The following MSI2 variants were observed in gnomAD, a reference collection of about 807,000 sequenced individuals.
The protein encoded by MSI2 is musashi RNA binding protein 2, also known as RNA-binding protein Musashi homolog 2.
Under a neutral mutation model 45.6 loss-of-function variants are expected in MSI2, and 17 were observed. The observed-to-expected ratio is 0.37, with a 90% CI of 0.26 to 0.56. The LOEUF is 0.56. Ranked by LOEUF, MSI2 falls within the 20% of genes least tolerant of loss-of-function variation. The pLI is 0.77. For synonymous variants in MSI2, 156 were observed against 158.2 expected (o/e 0.99, Z 0.11); for missense variants, 293 against 444.2 (o/e 0.66, Z 3.06).
At chr17:57,672,024 C>T (rs902158989) in intron 11 of MSI2, among the ~76,000 whole-genome samples, 1 of 152,214 alleles carries the variant, frequency 6.6e-6, no homozygotes, top group Admixed American at 6.5e-5. Flanking sequence ...GCCCAGAAGC[C>T]TAGCTAGAGG....
intron 11 of MSI2, among the ~76,000 whole-genome samples, chr17:57,669,659 A>ACACAGCCTCTGCCCTCATAGATTAT (rs1467564596): frequency 6.6e-6 from 1 of 152,234 alleles, no homozygotes; most frequent in Non-Finnish European, 1.5e-5. Context: ...TGATGGATTA[A>ACACAGCCTCTGCCCTCATAGATTAT]CACAGCCTCT....
intron 5 of MSI2, among the ~76,000 whole-genome samples, chr17:57,342,190 A>G (rs1915225416): frequency 6.6e-6 from 1 of 152,202 alleles, no homozygotes; most frequent in South Asian, 2.1e-4. Flanking sequence ...TTTTGAGCTA[A>G]TTGGTTTGAA....
intron 7 of MSI2, among the ~76,000 whole-genome samples, chr17:57,580,526 G>C (rs1245856356): frequency 2.0e-5 from 3 of 152,208 alleles, no homozygotes; most frequent in Non-Finnish European, 4.4e-5. Context: ...TTCCAGTGCT[G>C]GTCTTGCTAG....
At chr17:57,326,700 T>C (rs1913824379) in intron 5 of MSI2, among the ~76,000 whole-genome samples, 1 of 152,242 alleles carries the variant, frequency 6.6e-6, no homozygotes, top group African/African-American at 2.4e-5. Context: ...CATTTGATCT[T>C]AACACTAGCC....
intron 5 of MSI2, among the ~76,000 whole-genome samples, chr17:57,282,213 C>T (rs1909480958): frequency 6.6e-6 from 1 of 152,078 alleles, no homozygotes; most frequent in Non-Finnish European, 1.5e-5. Flanking sequence ...GAGTGGGGAG[C>T]TCTTAGAAGC....
intron 5 of MSI2, among the ~76,000 whole-genome samples, chr17:57,296,612 CAAAT>C (rs750878002): frequency 6.6e-6 from 1 of 152,070 alleles, no homozygotes; most frequent in African/African-American, 2.4e-5. Flanking sequence ...TATTTAAAAA[CAAAT>C]AATATTAAAA....
chr17:57,600,671 T>C (rs1048225555), intron 8 of MSI2, among the ~76,000 whole-genome samples: 1 of 152,116 alleles, frequency 6.6e-6, no homozygotes, highest in Non-Finnish European at 1.5e-5. Flanking sequence ...CTTTGGGAAG[T>C]GGGGATCACA....
At chr17:57,650,798 G>T (rs1362406740) in intron 10 of MSI2, among the ~76,000 whole-genome samples, 1 of 152,138 alleles carries the variant, frequency 6.6e-6, no homozygotes, top group Non-Finnish European at 1.5e-5. Flanking sequence ...TTAGTGTTTA[G>T]TGGGCTTCTA....
chr17:57,297,406 TA>T (rs1002133305), intron 5 of MSI2, among the ~76,000 whole-genome samples: 16 of 152,080 alleles, frequency 1.1e-4, no homozygotes, highest in Admixed American at 4.6e-4. Context: ...ACATTATGCC[TA>T]AAAAACAATG....
chr17:57,273,211 C>G (rs1319769638), intron 5 of MSI2, among the ~76,000 whole-genome samples: 1 of 151,980 alleles, frequency 6.6e-6, no homozygotes, highest in South Asian at 2.1e-4. Flanking sequence ...ATTAGGGGGC[C>G]CTTAGGAAAT....
intron 6 of MSI2, among the ~76,000 whole-genome samples, chr17:57,517,908 G>A (rs960254490): frequency 1.3e-5 from 2 of 152,162 alleles, no homozygotes; most frequent in African/African-American, 4.8e-5. Flanking sequence ...CGTAGTACAG[G>A]GGTGTCAGAG....
intron 11 of MSI2, among the ~76,000 whole-genome samples, chr17:57,665,331 T>C (rs1479962142): frequency 1.3e-5 from 2 of 152,230 alleles, no homozygotes; most frequent in African/African-American, 4.8e-5. Context: ...CCTCCTTGAC[T>C]GACCAATGGG....
At chr17:57,607,955 C>T (rs1005239851) in intron 8 of MSI2, among the ~76,000 whole-genome samples, 24 of 152,296 alleles carry the variant, frequency 1.6e-4, no homozygotes, top group Middle Eastern at 3.4e-3. Context: ...GATCCACCCC[C>T]ATGAATCAGA....
chr17:57,399,233 AT>A (rs1224021445), intron 5 of MSI2, among the ~76,000 whole-genome samples: 1 of 152,250 alleles, frequency 6.6e-6, no homozygotes, highest in African/African-American at 2.4e-5. Context: ...AATTTTTCAC[AT>A]GCACTATCTC....
intron 6 of MSI2, among the ~76,000 whole-genome samples, chr17:57,455,364 G>C (rs1250122036): frequency 6.6e-6 from 1 of 152,082 alleles, no homozygotes; most frequent in Non-Finnish European, 1.5e-5. Context: ...TGAAATGGGG[G>C]GTTTGAAGCC....
At chr17:57,354,013 A>G (rs560889714) in intron 5 of MSI2, among the ~76,000 whole-genome samples, 10 of 152,214 alleles carry the variant, frequency 6.6e-5, no homozygotes, top group Non-Finnish European at 1.3e-4. Flanking sequence ...GAAATTCAAA[A>G]TATAATGACA....
At chr17:57,699,737 C>T in the MSI2 span, among the ~76,000 whole-genome samples, 1 of 152,182 alleles carries the variant, frequency 6.6e-6, no homozygotes, top group African/African-American at 2.4e-5. Context: ...CTGTGTCTGC[C>T]GATGTCCTTT....
chr17:57,309,568 G>A (rs1758642406), intron 5 of MSI2, among the ~76,000 whole-genome samples: 1 of 152,166 alleles, frequency 6.6e-6, no homozygotes, highest in Non-Finnish European at 1.5e-5. Context: ...GGTGTATAAT[G>A]GTGAAAGAAA....
At chr17:57,286,902 T>C (rs8079908) in intron 5 of MSI2, among the ~76,000 whole-genome samples, 6,193 of 151,974 alleles carry the variant, frequency 0.041, 434 homozygotes, top group African/African-American at 0.14. Context: ...AATGCCGAGG[T>C]AGGTTTAAGC....
Sources: allele counts gnomAD v4.1 joint callset (sites outside exome capture counted in the v4.1 genomes callset), GRCh38; gene constraint gnomAD v4.1.1; transcripts MANE v1.5; gene names NCBI Gene and HGNC (gene_info 2026-07-23, HGNC 2026-07-21).